The following PTPRT variants were observed in gnomAD, a reference collection of about 807,000 sequenced individuals.
PTPRT encodes the protein protein tyrosine phosphatase receptor type T, also known as receptor-type tyrosine-protein phosphatase T.
PTPRT carries 56 observed loss-of-function variants against 176.8 expected under a neutral mutation model. That is an observed-to-expected ratio of 0.32 (90% confidence interval 0.26 to 0.40). The LOEUF (loss-of-function observed/expected upper bound fraction) is 0.40, where lower values mean the gene tolerates loss of function less well. Among genes scored for constraint, PTPRT ranks in the 10% least tolerant of loss-of-function variants. The pLI is 1.00. For synonymous variants in PTPRT, 783 were observed against 739.0 expected, an observed-to-expected ratio of 1.06 and a Z score of -0.96; for missense variants, 1,540 against 1,908.2, an observed-to-expected ratio of 0.81 and a Z score of 3.60.
chr20:42,102,020 G>A, intron 26 of PTPRT, 104 bp downstream of exon 26: 3 of 1,355,210 alleles, frequency 2.2e-6, no homozygotes, highest in Admixed American at 2.0e-5. Flanking sequence ...AGCAGGGGGG[G>A]CTGGCTGGTG....
chr20:42,265,678 C>T (rs868094510), intron 13 of PTPRT, among the ~76,000 whole-genome samples: 42 of 152,132 alleles, frequency 2.8e-4, no homozygotes, highest in African/African-American at 9.7e-4. Context: ...GGTTCCTGTT[C>T]TCACACCATC....
chr20:42,205,465 T>C (rs2055431676), intron 15 of PTPRT, among the ~76,000 whole-genome samples: 1 of 152,196 alleles, frequency 6.6e-6, no homozygotes, highest in Non-Finnish European at 1.5e-5. Context: ...CTTTTGCAAG[T>C]ACTCAGCTCC....
intron 1 of PTPRT, among the ~76,000 whole-genome samples, chr20:42,920,277 C>G (rs11906028): frequency 0.039 from 5,995 of 152,156 alleles, 300 homozygotes; most frequent in African/African-American, 0.11. Flanking sequence ...CATAGACTAA[C>G]TGAAAAAGTC....
intron 9 of PTPRT, among the ~76,000 whole-genome samples, chr20:42,376,354 T>G (rs73119317): frequency 0.088 from 13,362 of 152,264 alleles, 747 homozygotes; most frequent in African/African-American, 0.15. Flanking sequence ...ATACTCTCCC[T>G]GAGAGAACTT....
At chr20:42,368,806 AT>A (rs1247583898) in intron 9 of PTPRT, among the ~76,000 whole-genome samples, 1 of 152,198 alleles carries the variant, frequency 6.6e-6, no homozygotes, top group African/African-American at 2.4e-5. Context: ...CTGAATATAA[AT>A]ATAGAAACGC....
At chr20:42,443,650 C>T (rs8119002) in intron 9 of PTPRT, among the ~76,000 whole-genome samples, 30,951 of 152,032 alleles carry the variant, frequency 0.2, 3,989 homozygotes, top group African/African-American at 0.35. Context: ...CAGAATGAGA[C>T]GGTTTCATAG....
chr20:42,678,993 T>A (rs1462323539), intron 6 of PTPRT, among the ~76,000 whole-genome samples: 1 of 152,194 alleles, frequency 6.6e-6, no homozygotes, highest in African/African-American at 2.4e-5. Context: ...CCAGCAGGTT[T>A]CTTCCAGCAG....
At chr20:43,121,447 TGA>T (rs1355697958) in intron 1 of PTPRT, among the ~76,000 whole-genome samples, 2 of 152,248 alleles carry the variant, frequency 1.3e-5, no homozygotes, top group African/African-American at 2.4e-5. Context: ...TAGCGATGTA[TGA>T]GAGTTTCAGT....
intron 2 of PTPRT, among the ~76,000 whole-genome samples, chr20:42,794,237 T>C (rs1407081244): frequency 6.6e-6 from 1 of 152,064 alleles, no homozygotes; most frequent in African/African-American, 2.4e-5. Flanking sequence ...TGCAACTGAG[T>C]TCTAGATAAT....
chr20:42,303,328 A>G (rs1193855639), intron 12 of PTPRT, among the ~76,000 whole-genome samples: 1 of 152,206 alleles, frequency 6.6e-6, no homozygotes, highest in Non-Finnish European at 1.5e-5. Context: ...TGTTAATGGC[A>G]GGGCCAGCAG....
chr20:42,302,371 G>A (rs144597371), intron 12 of PTPRT, among the ~76,000 whole-genome samples: 7 of 152,182 alleles, frequency 4.6e-5, no homozygotes, highest in South Asian at 2.1e-4. Context: ...AACCAACACC[G>A]GGATTGTCTT....
At chr20:42,922,796 C>T (rs528668068) in intron 1 of PTPRT, among the ~76,000 whole-genome samples, 5 of 152,154 alleles carry the variant, frequency 3.3e-5, no homozygotes, top group African/African-American at 1.2e-4. Flanking sequence ...GTCACTCAAA[C>T]GCACTGTAGT....
chr20:42,277,482 A>G (rs943518046), intron 13 of PTPRT, among the ~76,000 whole-genome samples: 4 of 152,212 alleles, frequency 2.6e-5, no homozygotes, highest in African/African-American at 9.6e-5. Flanking sequence ...GGAAAGAAGC[A>G]AGCATGCACC....
intron 13 of PTPRT, among the ~76,000 whole-genome samples, chr20:42,261,915 C>CAGCT (rs2056756515): frequency 6.6e-6 from 1 of 152,128 alleles, no homozygotes; most frequent in Non-Finnish European, 1.5e-5. Context: ...ATGCCGCTTG[C>CAGCT]AGCTAGCATC....
intron 8 of PTPRT, among the ~76,000 whole-genome samples, chr20:42,467,363 A>G (rs900160174): frequency 5.3e-5 from 8 of 152,292 alleles, no homozygotes; most frequent in Admixed American, 3.3e-4. Context: ...CATATGTGAC[A>G]TCATCAGTAC....
intron 7 of PTPRT, among the ~76,000 whole-genome samples, chr20:42,633,168 T>G (rs1477805660): frequency 6.6e-6 from 1 of 152,144 alleles, no homozygotes; most frequent in Non-Finnish European, 1.5e-5. Flanking sequence ...TCTAGGTCCT[T>G]GAGAAGATCC....
chr20:42,893,043 G>A (rs974475065), intron 1 of PTPRT, among the ~76,000 whole-genome samples: 1 of 152,012 alleles, frequency 6.6e-6, no homozygotes. Context: ...ATCAGGCTGG[G>A]ACCTTTAAGA....
At chr20:42,599,054 C>T (rs548782212) in intron 7 of PTPRT, among the ~76,000 whole-genome samples, 4 of 152,230 alleles carry the variant, frequency 2.6e-5, no homozygotes, top group African/African-American at 7.2e-5. Context: ...AGACAAGATG[C>T]CCTGGTTTAT....
intron 1 of PTPRT, among the ~76,000 whole-genome samples, chr20:43,090,634 G>T (rs2011802811): frequency 6.6e-6 from 1 of 151,964 alleles, no homozygotes; most frequent in African/African-American, 2.4e-5. Context: ...TTAAGAACAT[G>T]CCTGCTAAAA....
Sources: gnomAD v4.1 joint callset for allele counts (sites outside exome capture counted in the v4.1 genomes callset) on GRCh38, gnomAD v4.1.1 for gene constraint, MANE v1.5 for transcripts, NCBI Gene and HGNC (gene_info 2026-07-23, HGNC 2026-07-21) for gene names.